The following COL28A1 variants were observed in gnomAD, a reference collection of about 807,000 sequenced individuals.
The protein encoded by COL28A1 is collagen type XXVIII alpha 1 chain, also known as collagen alpha-1(XXVIII) chain.
COL28A1 carries 161 observed loss-of-function variants against 150.2 expected under a neutral mutation model. The ratio of observed to expected loss-of-function variants is 1.07; its 90% CI spans 0.94 to 1.22. The LOEUF (loss-of-function observed/expected upper bound fraction) is 1.22, where lower values mean the gene tolerates loss of function less well. Ranked by LOEUF, COL28A1 falls within the 50% of genes most tolerant of loss-of-function variation. COL28A1 has a pLI of 0.00. For missense variants in COL28A1, 1,617 were observed against 1,388.3 expected, an observed-to-expected ratio of 1.16 and a Z score of -2.62; for synonymous variants, 552 against 469.7, an observed-to-expected ratio of 1.18 and a Z score of -2.26.
chr7:7,372,020 A>T (rs2128283575), intron 32 of COL28A1, among the ~76,000 whole-genome samples: 1 of 151,914 alleles, frequency 6.6e-6, no homozygotes, highest in East Asian at 2.0e-4. Flanking sequence ...TTTAGTAGAG[A>T]CGAGGTTTCA....
At chr7:7,407,430 G>A (rs565475408) in intron 27 of COL28A1, among the ~76,000 whole-genome samples, 6 of 152,018 alleles carry the variant, frequency 3.9e-5, no homozygotes, top group African/African-American at 1.4e-4. Context: ...AATAAAAAGA[G>A]AAAGTATCAA....
At position 7,502,587 on chromosome 7, in the gene COL28A1, T is replaced by C. The variant is rs536763650; in HGVS notation, c.1026+3427A>G. On this transcript the variant is annotated intron_variant, in intron 11 of 34. Transcript: ENST00000399429. The stretch of plus-strand genomic sequence containing the variant: ...GAACCTCTCGTGGAATCTTTGCAAA[T>C]GTTGCAAGTTTAAAGGTTTCTATTT... 3.9e-5 allele frequency among the ~76,000 whole-genome samples: 6 copies of C among 152,290 alleles called. No homozygotes were observed. The South Asian group carries it at 1.0e-3, about 26-fold the overall frequency.
chr7:7,521,694 C>A (rs573846753), intron 5 of COL28A1, among the ~76,000 whole-genome samples: 2 of 152,290 alleles, frequency 1.3e-5, no homozygotes, highest in African/African-American at 4.8e-5. Context: ...CACACCTGCC[C>A]TCAGTTCAGG....
At chr7:7,419,785 A>T in intron 26 of COL28A1, 100 bp downstream of exon 26, 1 of 633,128 alleles carries the variant, frequency 1.6e-6, no homozygotes, top group Non-Finnish European at 2.4e-6. Flanking sequence ...AGAAAAAAAT[A>T]AGTCAACACC....
intron 18 of COL28A1, among the ~76,000 whole-genome samples, chr7:7,448,382 A>G (rs983209278): frequency 6.6e-6 from 1 of 152,180 alleles, no homozygotes; most frequent in African/African-American, 2.4e-5. Flanking sequence ...AAGTGAGAAG[A>G]CAATAGAACA....
chr7:7,352,385 C>T (rs11510542), downstream of COL28A1, among the ~76,000 whole-genome samples: 2,133 of 152,192 alleles, frequency 0.014, 64 homozygotes, highest in African/African-American at 0.049. Flanking sequence ...TGTATATATG[C>T]TACCTTACAT....
At position 7,473,847 on chromosome 7, in the gene COL28A1, G is replaced by A. The variant is rs541355573; in HGVS notation, c.1302+754C>T. On this transcript the variant is annotated intron_variant, in intron 15 of 34. Coordinates refer to ENST00000399429, the MANE Select transcript of COL28A1 (RefSeq NM_001037763.3). ...ATGATATATATATTACAGTGTGTGT[G>A]TTTGTTTATATATATAGTGTGTGTT... Among the ~76,000 whole-genome samples the A allele has an allele frequency of 3.7e-3, 552 of 151,206 alleles. 3 individuals carry two copies. The highest frequency in any genetic ancestry group is 6.1e-3 in the Non-Finnish European group (414 of 67,772).
At chr7:7,362,668 C>T (rs1780730829) in intron 33 of COL28A1, among the ~76,000 whole-genome samples, 1 of 152,136 alleles carries the variant, frequency 6.6e-6, no homozygotes, top group Non-Finnish European at 1.5e-5. Context: ...AATTCAAATA[C>T]AATAGGAAAT....
intron 13 of COL28A1, among the ~76,000 whole-genome samples, chr7:7,479,258 AGAATTG>A (rs1789199746): frequency 2.6e-5 from 4 of 152,260 alleles, no homozygotes; most frequent in Non-Finnish European, 4.4e-5. Flanking sequence ...ACTGATCAGT[AGAATTG>A]TAGAGCTACG....
chr7:7,482,697 G>T lies in COL28A1; in HGVS notation c.1165-5517C>A, dbSNP rs12671418. ...GCAAGCAAGCAAGCAAGAATTTCAT[G>T]TTCTGGTAATATTGTTAAAAACTCT... On this transcript the variant is annotated intron_variant, in intron 13 of 34. Coordinates refer to ENST00000399429, the MANE Select transcript of COL28A1 (RefSeq NM_001037763.3). 4.7e-3 allele frequency among the ~76,000 whole-genome samples: 708 copies of T among 152,208 alleles called. 5 individuals carry two copies. The highest frequency in any genetic ancestry group is 0.022 in the East Asian group (115 of 5,190).
intron 11 of COL28A1, among the ~76,000 whole-genome samples, chr7:7,502,318 A>T (rs939350561): frequency 6.6e-6 from 1 of 152,238 alleles, no homozygotes; most frequent in African/African-American, 2.4e-5. Flanking sequence ...CAACAAAGTC[A>T]TTCAGGGCAG....
chr7:7,345,533 T>C, the COL28A1 span, among the ~76,000 whole-genome samples: 5 of 152,178 alleles, frequency 3.3e-5, no homozygotes, highest in African/African-American at 1.2e-4. Context: ...AGTACCTATC[T>C]ACTGGAAAAT....
At position 7,477,210 on chromosome 7, in the gene COL28A1, G is replaced by C. The variant is rs773941019; in HGVS notation, c.1165-30C>G. The C allele has an allele frequency of 3.3e-6, 3 of 896,602 alleles. No homozygotes were observed. In the Admixed American group the frequency reaches 5.1e-5, roughly 15 times the overall value. 55.5% of individuals were successfully genotyped at this position (896,602 alleles called of 1,614,324 possible). ...TTAGGATAGGAGAAAATGAGGAGCAGGAGGAGAGAGAAAAGGGAAAGAGGA... is the reference window on the plus strand; with the variant it reads ...TTAGGATAGGAGAAAATGAGGAGCACGAGGAGAGAGAAAAGGGAAAGAGGA... On this transcript the variant is annotated intron_variant, in intron 13 of 34. Transcript: ENST00000399429.
At chr7:7,526,716 A>G (rs755885337) in intron 3 of COL28A1, among the ~76,000 whole-genome samples, 16 of 151,990 alleles carry the variant, frequency 1.1e-4, no homozygotes, top group Non-Finnish European at 1.5e-4. Flanking sequence ...GCTCACTGCA[A>G]CCTCCACCTC....
chr7:7,376,153 C>G (rs1252681431), intron 30 of COL28A1, among the ~76,000 whole-genome samples: 1 of 152,148 alleles, frequency 6.6e-6, no homozygotes, highest in East Asian at 1.9e-4. Context: ...TGCCAATGCC[C>G]TTCCCTGTGC....
chr7:7,451,413 A>G (rs1181802032), intron 18 of COL28A1, among the ~76,000 whole-genome samples: 1 of 151,946 alleles, frequency 6.6e-6, no homozygotes, highest in Non-Finnish European at 1.5e-5. Flanking sequence ...TTTAGTAGAG[A>G]CGGGGTTTCA....
At chr7:7,514,101 T>C (rs1781294458) in intron 8 of COL28A1, among the ~76,000 whole-genome samples, 1 of 152,218 alleles carries the variant, frequency 6.6e-6, no homozygotes, top group Admixed American at 6.5e-5. Flanking sequence ...GAAAGTGAAA[T>C]TAATCTTTTC....
intron 33 of COL28A1, among the ~76,000 whole-genome samples, chr7:7,367,230 CT>C (rs1341719979): frequency 1.3e-5 from 2 of 152,158 alleles, no homozygotes; most frequent in Admixed American, 6.5e-5. Flanking sequence ...GCTATACTAT[CT>C]AGATTTGTGT....
chr7:7,389,315 A>G (rs1257860801), intron 27 of COL28A1, among the ~76,000 whole-genome samples: 1 of 151,944 alleles, frequency 6.6e-6, no homozygotes, highest in Non-Finnish European at 1.5e-5. Flanking sequence ...GTAGATGTAT[A>G]GTGTTATTTC....
Sources: gnomAD v4.1 joint callset for allele counts (sites outside exome capture counted in the v4.1 genomes callset) on GRCh38, gnomAD v4.1.1 for gene constraint, MANE v1.5 for transcripts, NCBI Gene and HGNC (gene_info 2026-07-23, HGNC 2026-07-21) for gene names.